RARS2: variants seen among roughly 807,000 people sequenced by gnomAD.
RARS2 encodes the protein probable arginine--tRNA ligase, mitochondrial.
Under a neutral mutation model 88.5 loss-of-function variants are expected in RARS2, and 67 were observed. The observed-to-expected ratio is 0.76, with a 90% CI of 0.62 to 0.93. The LOEUF (loss-of-function observed/expected upper bound fraction) is 0.93, where lower values mean the gene tolerates loss of function less well. RARS2 is among the 40% of genes least tolerant of loss of function. The probability of loss-of-function intolerance (pLI) is 0.00; values close to 1 mark genes in which losing one functional copy is unlikely to be tolerated. For missense variants in RARS2, 664 were observed against 684.2 expected, an observed-to-expected ratio of 0.97 and a Z score of 0.33; for synonymous variants, 239 against 230.3, an observed-to-expected ratio of 1.04 and a Z score of -0.34.
In RARS2 at chr6:87,555,446, G is replaced by A. The variant is rs2128145034; in HGVS notation, c.357C>T (p.Phe119=). 1 of 1,614,000 alleles carries A rather than the reference G, an allele frequency of 6.2e-7. No individual in the cohort carries two copies. Among genetic ancestry groups the A allele is most frequent in the Non-Finnish European group, 8.5e-7 (1 of 1,179,938 alleles). ...CAATCTTCTTCTGGGGAAGTCCAGAGAAAAGTTCACTTTTTAATCCATATT... is the reference window on the plus strand; with the variant it reads ...CAATCTTCTTCTGGGGAAGTCCAGAAAAAAGTTCACTTTTTAATCCATATT... ...GSKYGLKSEL[F]SGLPQKKIVV... The change falls in exon 5 of 20, where the codon TTC becomes TTT. Residue 119 remains phenylalanine, a synonymous_variant. Transcript: ENST00000369536.
At chr6:87,588,847 A>T (rs1157021179) in intron 1 of RARS2, among the ~76,000 whole-genome samples, 3 of 152,110 alleles carry the variant, frequency 2.0e-5, no homozygotes, top group African/African-American at 7.2e-5. Flanking sequence ...CTTAAGCCAT[A>T]CCCATCAGTA....
chr6:87,567,954 G>A (rs925468503), intron 2 of RARS2, among the ~76,000 whole-genome samples: 3 of 152,102 alleles, frequency 2.0e-5, no homozygotes, highest in Non-Finnish European at 2.9e-5. Context: ...TGTATTTCTA[G>A]TAGAGACGGG....
At chr6:87,578,929 C>G (rs1772468890) in intron 1 of RARS2, among the ~76,000 whole-genome samples, 1 of 117,578 alleles carries the variant, frequency 8.5e-6, no homozygotes, top group African/African-American at 3.3e-5. Flanking sequence ...CACTGCACTC[C>G]AGCCTGGAGA....
intron 11 of RARS2, among the ~76,000 whole-genome samples, chr6:87,524,348 A>G (rs773652611): frequency 1.1e-4 from 16 of 152,214 alleles, no homozygotes; most frequent in Non-Finnish European, 2.1e-4. Context: ...GAAACCCCTG[A>G]GCTAATATGG....
chr6:87,530,745 C>T, intron 9 of RARS2, 39 bp downstream of exon 9: 1 of 1,608,584 alleles, frequency 6.2e-7, no homozygotes, highest in Admixed American at 1.7e-5. Flanking sequence ...GAGAGCTGCA[C>T]TGCATCATGG....
rs941202815 is a variant in RARS2, at chr6:87,543,097, T to C, written c.536-1103A>G. Among the ~76,000 whole-genome samples, 4 of 151,874 alleles carry C rather than the reference T, an allele frequency of 2.6e-5. No homozygotes were observed. The East Asian group carries it at 7.8e-4, about 29-fold the overall frequency. On this transcript the variant is annotated intron_variant, in intron 7 of 19. Coordinates refer to ENST00000369536, the MANE Select transcript of RARS2 (RefSeq NM_020320.5). ...TGGGTGGATCACCTGAGGTCAGGCA[T>C]TTGAGACCAGCCTGACCAACAAGGA...
chr6:87,579,961 G>A (rs1489429126), intron 1 of RARS2, among the ~76,000 whole-genome samples: 1 of 151,874 alleles, frequency 6.6e-6, no homozygotes, highest in African/African-American at 2.4e-5. Flanking sequence ...GGATGGTCTT[G>A]ATCTCTTGAC....
chr6:87,569,700 C>A, intron 1 of RARS2, 110 bp from the exon 2 acceptor site: 2 of 826,136 alleles, frequency 2.4e-6, no homozygotes, highest in South Asian at 2.8e-5. Flanking sequence ...CGAATGAGCT[C>A]CAAATGCATT....
At position 87,589,972 on chromosome 6, in the gene RARS2, A is replaced by T. The variant is rs761172332; in HGVS notation, c.-15T>A. On this transcript the variant is annotated 5_prime_UTR_variant, in exon 1 of 20. Transcript: ENST00000369536. ...CCGCACGCCATGTCCACCTCTACGG[A>T]AGTGCGCCGCAGTCCGCCAGTTCCG... The T allele has an allele frequency of 3.7e-6, 6 of 1,614,200 alleles. No individual in the cohort carries two copies. In the South Asian group the frequency reaches 6.6e-5, roughly 18 times the overall value.
Position 87,524,587 on chromosome 6 carries a change from C to G in RARS2, c.944G>C (p.Arg315Pro), listed in dbSNP as rs762613731. 3 of 1,613,254 alleles carry G rather than the reference C, an allele frequency of 1.9e-6. No homozygotes were observed. In the East Asian group the frequency reaches 6.7e-5, roughly 36 times the overall value. The change falls in exon 11 of 20, where the codon CGA (arginine) becomes CCA (proline). Residue 315 changes from arginine to proline, a missense_variant. Arg to Pro is a moderately radical substitution (Grantham distance 103). Coordinates refer to ENST00000369536, the MANE Select transcript of RARS2 (RefSeq NM_020320.5). ...TGCATAGAGAGAAGTCCCATCACTT[C>G]GCATTACAGTACAAATTGAGGAGGG... Reference protein sequence around the residue: ...GDPSSICTVMRSDGTSLYATR... With the variant: ...GDPSSICTVMPSDGTSLYATR...
intron 1 of RARS2, among the ~76,000 whole-genome samples, chr6:87,570,971 T>C (rs1769503552): frequency 6.6e-6 from 1 of 152,170 alleles, no homozygotes; most frequent in African/African-American, 2.4e-5. Flanking sequence ...GTACAGGGAA[T>C]TTACTTAACT....
intron 1 of RARS2, among the ~76,000 whole-genome samples, chr6:87,570,469 A>C (rs1439023062): frequency 1.3e-5 from 2 of 152,162 alleles, no homozygotes; most frequent in African/African-American, 4.8e-5. Flanking sequence ...CCCAGGCTGG[A>C]GTACAGTGAC....
chr6:87,542,257 A>G (rs916140897), intron 7 of RARS2, among the ~76,000 whole-genome samples: 5 of 152,356 alleles, frequency 3.3e-5, no homozygotes, highest in Middle Eastern at 3.4e-3. Flanking sequence ...CATCAAAGGT[A>G]AAGTCTAGGA....
In RARS2 at chr6:87,513,940, C is replaced by T. The variant is rs1770692707; in HGVS notation, c.*473G>A. Among the ~76,000 whole-genome samples the T allele has an allele frequency of 6.6e-6, 1 of 152,134 alleles. No homozygotes were observed. Among genetic ancestry groups the T allele is most frequent in the African/African-American group, 2.4e-5 (1 of 41,420 alleles). On this transcript the variant is annotated 3_prime_UTR_variant, in exon 20 of 20. Coordinates refer to ENST00000369536, the MANE Select transcript of RARS2 (RefSeq NM_020320.5). The stretch of plus-strand genomic sequence containing the variant: ...AATACCTACTGACCATGAGAGAATT[C>T]AGATAACTCATTTATTTAAGGATAA...
At chr6:87,578,164 T>G (rs542724792) in intron 1 of RARS2, among the ~76,000 whole-genome samples, 6 of 151,594 alleles carry the variant, frequency 4.0e-5, no homozygotes, top group Non-Finnish European at 5.9e-5. Flanking sequence ...AAACAGCATT[T>G]CAGTAATGAG....
At position 87,536,989 on chromosome 6, in the gene RARS2, T is replaced by C. The variant is rs75960540; in HGVS notation, c.612+4929A>G. Among the ~76,000 whole-genome samples the C allele has an allele frequency of 9.8e-5, 15 of 152,304 alleles. No homozygotes were observed. In the East Asian group the frequency reaches 2.9e-3, roughly 29 times the overall value. On this transcript the variant is annotated intron_variant, in intron 8 of 19. Transcript: ENST00000369536. ...CACTAGTGAAGCATATGCACCAAAA[T>C]GGAAATGCAATAAATGACTGTGGGT...
At chr6:87,557,247 C>T (rs1786256850) in intron 4 of RARS2, among the ~76,000 whole-genome samples, 1 of 152,116 alleles carries the variant, frequency 6.6e-6, no homozygotes, top group Admixed American at 6.5e-5. Context: ...GAAAATAATA[C>T]TCTCTTGACT....
intron 2 of RARS2, among the ~76,000 whole-genome samples, chr6:87,567,794 C>G (rs1052608781): frequency 2.6e-5 from 4 of 152,120 alleles, no homozygotes; most frequent in Admixed American, 1.3e-4. Context: ...TTTTTTGAGA[C>G]GGAGTCTCGC....
chr6:87,530,371 T>C (rs901392145), intron 9 of RARS2, among the ~76,000 whole-genome samples: 2 of 152,182 alleles, frequency 1.3e-5, no homozygotes, highest in Non-Finnish European at 2.9e-5. Flanking sequence ...TTTAATTTGT[T>C]TAGTTTGTGC....
Sources: allele counts gnomAD v4.1 joint callset (sites outside exome capture counted in the v4.1 genomes callset), GRCh38; gene constraint gnomAD v4.1.1; transcripts MANE v1.5; gene names NCBI Gene and HGNC (gene_info 2026-07-23, HGNC 2026-07-21).